GMDS: variants seen among roughly 807,000 people sequenced by gnomAD.
GMDS encodes GDP-mannose 4,6-dehydratase, also known as GDP-mannose 4,6 dehydratase.
GMDS carries 20 observed loss-of-function variants against 49.9 expected under a neutral mutation model. The ratio of observed to expected loss-of-function variants is 0.40; its 90% CI spans 0.28 to 0.58. GMDS has a LOEUF of 0.58. Among genes scored for constraint, GMDS ranks in the 20% least tolerant of loss-of-function variants. The pLI is 0.42. For missense variants in GMDS, 362 were observed against 481.4 expected, an observed-to-expected ratio of 0.75 and a Z score of 2.32; for synonymous variants, 177 against 178.6, an observed-to-expected ratio of 0.99 and a Z score of 0.07.
chr6:1,956,017 T>C (rs1335163262), intron 6 of GMDS, among the ~76,000 whole-genome samples: 2 of 152,174 alleles, frequency 1.3e-5, no homozygotes, highest in African/African-American at 4.8e-5. Flanking sequence ...CATACAGCAG[T>C]GAAGTACAAC....
intron 9 of GMDS, among the ~76,000 whole-genome samples, chr6:1,669,292 A>G (rs1704230580): frequency 6.6e-6 from 1 of 152,146 alleles, no homozygotes; most frequent in Non-Finnish European, 1.5e-5. Context: ...TCAGCCAAGC[A>G]TGCACTTCAG....
rs3778535 is a variant in GMDS, at chr6:1,839,380, T to C, written c.771+90723A>G. Among the ~76,000 whole-genome samples, 36 of 152,324 alleles carry C rather than the reference T, an allele frequency of 2.4e-4. No individual in the cohort carries two copies. The East Asian group carries it at 6.9e-3, about 29-fold the overall frequency. On this transcript the variant is annotated intron_variant, in intron 7 of 10. Coordinates refer to ENST00000380815, the MANE Select transcript of GMDS (RefSeq NM_001500.4). ...GTTAAAAACTGTAAACCACCTACAA[T>C]TACTAGCATGATCCCTAACCTCTGT...
chr6:2,028,991 CTTTCTTTCTTTTTTTT>C (rs1489833885), intron 4 of GMDS, among the ~76,000 whole-genome samples: 1 of 145,770 alleles, frequency 6.9e-6, no homozygotes, highest in African/African-American at 2.5e-5. Flanking sequence ...GATTTTTTTT[CTTTCTTTCTTTTTTTT>C]TTAACCAGAG....
At chr6:1,911,232 G>A (rs1027249961) in intron 7 of GMDS, among the ~76,000 whole-genome samples, 1 of 152,188 alleles carries the variant, frequency 6.6e-6, no homozygotes, top group Non-Finnish European at 1.5e-5. Flanking sequence ...ACATGCTAAT[G>A]TCTCCCAAAG....
chr6:1,934,144 T>C (rs1025767908), intron 6 of GMDS, among the ~76,000 whole-genome samples: 3 of 152,222 alleles, frequency 2.0e-5, no homozygotes, highest in Non-Finnish European at 4.4e-5. Context: ...ATTTTTCCCA[T>C]TCAATAGCAT....
Position 1,959,903 on chromosome 6 carries a change from T to G in GMDS, c.607A>C (p.Asn203His). The change falls in exon 6 of 11, where the codon AAC (asparagine) becomes CAC (histidine). Residue 203 changes from asparagine to histidine, a missense_variant. Asn to His is a moderately conservative substitution (Grantham distance 68, BLOSUM62 1). Transcript: ENST00000380815. ...CTCTCATGATTGAAGAGAATGCCGT[T>G]CACTGCAAAGAGATTATACGCCTCA... Reference protein sequence around the residue: ...FREAYNLFAVNGILFNHESPR... With the variant: ...FREAYNLFAVHGILFNHESPR... The G allele has an allele frequency of 1.2e-6, 2 of 1,610,250 alleles. No homozygotes were observed. The highest frequency in any genetic ancestry group is 1.7e-6 in the Non-Finnish European group (2 of 1,177,780).
intron 4 of GMDS, 71 bp downstream of exon 4, chr6:2,115,700 A>G: frequency 1.2e-6 from 1 of 806,518 alleles, no homozygotes; most frequent in Non-Finnish European, 2.2e-6. Flanking sequence ...TACACTGAGA[A>G]GCAGCAGACA....
chr6:1,952,018 T>C (rs1763362583), intron 6 of GMDS: 1 of 978,626 alleles, frequency 1.0e-6, no homozygotes, highest in African/African-American at 1.7e-5. Context: ...TCCACAAATA[T>C]GTACAATATT....
intron 1 of GMDS, among the ~76,000 whole-genome samples, chr6:2,184,362 A>G (rs146638156): frequency 2.5e-3 from 388 of 152,304 alleles, no homozygotes; most frequent in African/African-American, 8.8e-3. Context: ...CAAGTCAATT[A>G]AGCCCCTAGA....
chr6:1,666,173 A>C (rs1490436701), intron 9 of GMDS, among the ~76,000 whole-genome samples: 1 of 152,208 alleles, frequency 6.6e-6, no homozygotes, highest in East Asian at 1.9e-4. Flanking sequence ...ATGAAGCAGC[A>C]AAGGCCGTGA....
intron 9 of GMDS, among the ~76,000 whole-genome samples, chr6:1,629,709 G>A (rs1021938645): frequency 3.3e-5 from 5 of 152,192 alleles, no homozygotes; most frequent in South Asian, 4.2e-4. Context: ...CTCCGGACGT[G>A]CGGTCCAGTC....
intron 7 of GMDS, among the ~76,000 whole-genome samples, chr6:1,793,886 G>A (rs1004217032): frequency 1.3e-5 from 2 of 152,182 alleles, no homozygotes; most frequent in Admixed American, 1.3e-4. Context: ...AGAAATGTTT[G>A]TACTCAGTTT....
intron 4 of GMDS, among the ~76,000 whole-genome samples, chr6:2,094,523 G>A (rs1161247591): frequency 6.6e-6 from 1 of 152,194 alleles, no homozygotes; most frequent in South Asian, 2.1e-4. Flanking sequence ...GCCATGTACC[G>A]TGTTCAGTAC....
intron 4 of GMDS, among the ~76,000 whole-genome samples, chr6:1,993,580 C>T (rs957612538): frequency 1.2e-4 from 19 of 152,124 alleles, no homozygotes; most frequent in Non-Finnish European, 7.3e-5. Context: ...CAAAAAAGTG[C>T]GACGGAAGCT....
intron 9 of GMDS, among the ~76,000 whole-genome samples, chr6:1,648,242 A>G (rs888703773): frequency 2.0e-5 from 3 of 152,152 alleles, no homozygotes; most frequent in African/African-American, 4.8e-5. Context: ...GACAATATAA[A>G]CAGTGTGGTT....
chr6:2,081,580 G>A (rs1772698566), intron 4 of GMDS, among the ~76,000 whole-genome samples: 1 of 149,674 alleles, frequency 6.7e-6, no homozygotes, highest in African/African-American at 2.5e-5. Context: ...CTGACTTTGA[G>A]GGGGAAAAAA....
chr6:1,723,705 G>A (rs1349147026), intron 9 of GMDS, among the ~76,000 whole-genome samples: 7 of 151,980 alleles, frequency 4.6e-5, no homozygotes, highest in Admixed American at 6.6e-5. Context: ...TAAGCTGATC[G>A]GTGAAAGCAC....
Position 2,201,623 on chromosome 6 carries a change from C to T in GMDS, c.102+43698G>A, listed in dbSNP as rs188107405. Among the ~76,000 whole-genome samples, 502 of 125,414 alleles carry T rather than the reference C, an allele frequency of 4.0e-3. 1 individual carries two copies. The highest frequency in any genetic ancestry group is 6.4e-3 in the Non-Finnish European group (376 of 59,072). The allele number at this position is 125,414 out of a possible 152,430, so 82.3% of individuals were successfully genotyped here. A position where few individuals can be genotyped will look rare whatever the true frequency, so the allele number is the denominator to read the frequency against. Reference sequence around the variant, plus strand: ...GAAGACAGAACACCACATGGACATCCGAGATGAAACCATCTAGGCAGTGAG... The same window carrying T: ...GAAGACAGAACACCACATGGACATCTGAGATGAAACCATCTAGGCAGTGAG... On this transcript the variant is annotated intron_variant, in intron 1 of 10. Coordinates refer to ENST00000380815, the MANE Select transcript of GMDS (RefSeq NM_001500.4).
intron 4 of GMDS, among the ~76,000 whole-genome samples, chr6:2,051,181 A>G (rs1459576595): frequency 1.3e-5 from 2 of 152,194 alleles, no homozygotes; most frequent in Non-Finnish European, 2.9e-5. Flanking sequence ...CTAAAGCTTC[A>G]ATAGGCAATG....
Sources: gnomAD v4.1 joint callset for allele counts (sites outside exome capture counted in the v4.1 genomes callset) on GRCh38, gnomAD v4.1.1 for gene constraint, MANE v1.5 for transcripts, NCBI Gene and HGNC (gene_info 2026-07-23, HGNC 2026-07-21) for gene names.